TCEANC2: variants seen among roughly 807,000 people sequenced by gnomAD.
TCEANC2 encodes the protein transcription elongation factor A N-terminal and central domain containing 2.
In TCEANC2, 20 loss-of-function variants were observed where a neutral mutation model predicts 22.8. That is an observed-to-expected ratio of 0.88 (90% CI 0.62 to 1.28). The LOEUF is 1.28. TCEANC2 is among the 50% of genes most tolerant of loss of function. The pLI is 0.00. For synonymous variants in TCEANC2, 84 were observed against 95.5 expected (o/e 0.88, Z 0.70); for missense variants, 251 against 249.7 (o/e 1.01, Z -0.03).
chr1:54,080,150 T>C (rs1052239652), intron 3 of TCEANC2, among the ~76,000 whole-genome samples: 18 of 150,522 alleles, frequency 1.2e-4, no homozygotes, highest in African/African-American at 2.2e-4. Flanking sequence ...TTCTTTCTTT[T>C]TTTTTTTTTT....
intron 4 of TCEANC2, 109 bp downstream of exon 4, chr1:54,088,899 T>C (rs1209312763): frequency 3.2e-6 from 2 of 618,196 alleles, no homozygotes; most frequent in South Asian, 3.6e-5. Context: ...GTGCTCTTGG[T>C]TAAACGCCTC....
At chr1:54,106,713 A>G (rs1169458085), downstream of TCEANC2, among the ~76,000 whole-genome samples, 1 of 152,152 alleles carries the variant, frequency 6.6e-6, no homozygotes, top group Non-Finnish European at 1.5e-5. Flanking sequence ...ACTATGAACT[A>G]TTTATGTAAG....
chr1:54,092,873 T>TAGAC (rs10640181), intron 4 of TCEANC2, among the ~76,000 whole-genome samples: 14,807 of 152,168 alleles, frequency 0.097, 1,690 homozygotes, highest in African/African-American at 0.28. Context: ...CATCCAGAAT[T>TAGAC]AGCTGTATAA....
At position 54,097,037 on chromosome 1, in the gene TCEANC2, T is replaced by G; in HGVS notation, c.*564T>G. The G allele has an allele frequency of 2.1e-6, 2 of 968,932 alleles. No homozygotes were observed. The highest frequency in any genetic ancestry group is 2.5e-6 in the Non-Finnish European group (2 of 814,572). 60.0% of individuals were successfully genotyped at this position (968,932 alleles called of 1,614,324 possible). A position where few individuals can be genotyped will look rare whatever the true frequency, so the allele number is the denominator to read the frequency against. On this transcript the variant is annotated 3_prime_UTR_variant, in exon 5 of 5. Coordinates refer to ENST00000234827, the MANE Select transcript of TCEANC2 (RefSeq NM_153035.3). ...ACGTTTCAGCTCTCCCTGGAAGACC[T>G]TCTGCGTTGGTCTCCAGAGCCCCCA...
In TCEANC2 at chr1:54,077,469, T is replaced by C. The variant is rs544401455; in HGVS notation, c.244+8572T>C. Among the ~76,000 whole-genome samples, 8 of 152,294 alleles carry C rather than the reference T, an allele frequency of 5.3e-5. No homozygotes were observed. The South Asian group carries it at 1.4e-3, about 28-fold the overall frequency. ...ACTATCCAAATCCAATGGTCTTGTCTCAGTTCTCATCTTCCCAGACTGTGA... is the reference window on the plus strand; with the variant it reads ...ACTATCCAAATCCAATGGTCTTGTCCCAGTTCTCATCTTCCCAGACTGTGA... On this transcript the variant is annotated intron_variant, in intron 3 of 4. Transcript: ENST00000234827.
At chr1:54,094,609 T>C (rs1197742421) in intron 4 of TCEANC2, among the ~76,000 whole-genome samples, 3 of 152,202 alleles carry the variant, frequency 2.0e-5, no homozygotes, top group African/African-American at 7.2e-5. Flanking sequence ...TTACAACCCC[T>C]GTTCACAGTC....
chr1:54,110,903 T>C (rs1180466859), downstream of TCEANC2: 1 of 152,322 alleles, frequency 6.6e-6, no homozygotes, highest in Admixed American at 6.5e-5. Flanking sequence ...CAGAGAGGCC[T>C]ACCCTGGCCA....
At chr1:54,078,964 C>T (rs923641289) in intron 3 of TCEANC2, among the ~76,000 whole-genome samples, 3 of 152,162 alleles carry the variant, frequency 2.0e-5, no homozygotes, top group South Asian at 4.1e-4. Flanking sequence ...ACTAGCAAAA[C>T]GCCTTTGGAG....
chr1:54,057,332 C>T (rs1657770511), intron 2 of TCEANC2, among the ~76,000 whole-genome samples: 1 of 148,128 alleles, frequency 6.8e-6, no homozygotes, highest in African/African-American at 2.5e-5. Flanking sequence ...AGGCACATGC[C>T]ACCACACCTG....
chr1:54,067,359 A>G, intron 2 of TCEANC2, among the ~76,000 whole-genome samples: 1 of 152,190 alleles, frequency 6.6e-6, no homozygotes, highest in East Asian at 1.9e-4. Context: ...GGGAAGCGGG[A>G]GGACTTGTGG....
intron 3 of TCEANC2, among the ~76,000 whole-genome samples, chr1:54,085,192 A>C (rs544525250): frequency 2.6e-5 from 4 of 151,928 alleles, no homozygotes; most frequent in African/African-American, 9.7e-5. Flanking sequence ...TTATTTTTCA[A>C]CTCCAGGATT....
downstream of TCEANC2, among the ~76,000 whole-genome samples, chr1:54,107,928 G>A (rs1658783970): frequency 6.6e-6 from 1 of 152,172 alleles, no homozygotes; most frequent in Non-Finnish European, 1.5e-5. Context: ...TGGTCTCAGA[G>A]GTGAAGAAGG....
chr1:54,107,736 A>G (rs1658780564), downstream of TCEANC2, among the ~76,000 whole-genome samples: 1 of 152,264 alleles, frequency 6.6e-6, no homozygotes, highest in African/African-American at 2.4e-5. Flanking sequence ...TGCAGAAAAC[A>G]TACACAACCA....
At chr1:54,106,776 GTGTACAGATA>G (rs1180990419), downstream of TCEANC2, among the ~76,000 whole-genome samples, 1 of 152,100 alleles carries the variant, frequency 6.6e-6, no homozygotes, top group Non-Finnish European at 1.5e-5. Context: ...AAAAAAAGAT[GTGTACAGATA>G]TATACCCAAT....
chr1:54,083,531 G>T (rs564235982), intron 3 of TCEANC2, among the ~76,000 whole-genome samples: 1 of 152,270 alleles, frequency 6.6e-6, no homozygotes, highest in South Asian at 2.1e-4. Flanking sequence ...GGATGGAGAA[G>T]GACTGCTGGA....
chr1:54,062,906 G>C (rs1180234397), intron 2 of TCEANC2, among the ~76,000 whole-genome samples: 1 of 152,184 alleles, frequency 6.6e-6, no homozygotes, highest in Non-Finnish European at 1.5e-5. Context: ...GACTTCTTTA[G>C]TTCCATATGT....
At chr1:54,061,464 G>C (rs1657854585) in intron 2 of TCEANC2, among the ~76,000 whole-genome samples, 1 of 152,174 alleles carries the variant, frequency 6.6e-6, no homozygotes, top group African/African-American at 2.4e-5. Flanking sequence ...CAAAGCTGAG[G>C]AGGAGGAGGA....
chr1:54,082,733 C>T (rs140188312), intron 3 of TCEANC2, among the ~76,000 whole-genome samples: 11 of 151,980 alleles, frequency 7.2e-5, no homozygotes, highest in African/African-American at 1.9e-4. Flanking sequence ...GGAAGGAGGG[C>T]GACATGGTGA....
intron 3 of TCEANC2, among the ~76,000 whole-genome samples, chr1:54,077,831 T>G (rs746112708): frequency 6.6e-6 from 1 of 152,182 alleles, no homozygotes; most frequent in South Asian, 2.1e-4. Flanking sequence ...CTTTCTGTGT[T>G]TCTTCAGTCC....
Sources: gnomAD v4.1 joint callset for allele counts (sites outside exome capture counted in the v4.1 genomes callset) on GRCh38, gnomAD v4.1.1 for gene constraint, MANE v1.5 for transcripts, NCBI Gene and HGNC (gene_info 2026-07-23, HGNC 2026-07-21) for gene names.